Variants in ZNF385D observed in about 807,000 individuals in gnomAD.
The protein encoded by ZNF385D is zinc finger protein 659.
In ZNF385D, 15 loss-of-function variants were observed where a neutral mutation model predicts 35.8. The ratio of observed to expected loss-of-function variants is 0.42; its 90% CI spans 0.28 to 0.64. ZNF385D has a LOEUF of 0.64. Ranked by LOEUF, ZNF385D falls within the 30% of genes least tolerant of loss-of-function variation. The pLI, the probability that ZNF385D is intolerant of heterozygous loss-of-function variation, is 0.23. For synonymous variants in ZNF385D, 212 were observed against 186.8 expected, an observed-to-expected ratio of 1.13 and a Z score of -1.10; for missense variants, 474 against 494.6, an observed-to-expected ratio of 0.96 and a Z score of 0.39.
At chr3:22,112,932 T>G (rs4858380) in intron 3 of ZNF385D, among the ~76,000 whole-genome samples, 129,121 of 152,102 alleles carry the variant, frequency 0.85, 55,854 homozygotes, top group African/African-American at 0.95. Flanking sequence ...TGTTATACAT[T>G]GGTAGAAAAT....
At chr3:21,975,702 AATATATATATAT>A (rs56303677) in intron 3 of ZNF385D, among the ~76,000 whole-genome samples, 30 of 124,070 alleles carry the variant, frequency 2.4e-4, no homozygotes, top group East Asian at 2.0e-3. Context: ...GTACCCACGA[AATATATATATAT>A]ATATATATAT....
At chr3:21,961,322 T>A (rs957897657) in intron 3 of ZNF385D, 1 of 152,176 alleles carries the variant, frequency 6.6e-6, no homozygotes, top group African/African-American at 2.4e-5. Context: ...TTTTCTTTCC[T>A]GTCATCAATT....
Position 21,462,097 on chromosome 3 carries a change from G to C in ZNF385D, c.440-24894C>G, listed in dbSNP as rs574287383. Among the ~76,000 whole-genome samples the C allele has an allele frequency of 4.6e-5, 7 of 152,274 alleles. No homozygotes were observed. In the South Asian group the frequency reaches 1.2e-3, roughly 27 times the overall value. On this transcript the variant is annotated intron_variant, in intron 4 of 7. Transcript: ENST00000281523. ...GTTTGGCACATCATCATCATGTTCA[G>C]TAGCAAAACATACACAAATAATCCC...
At chr3:21,674,833 C>T (rs185620863) in intron 1 of ZNF385D, among the ~76,000 whole-genome samples, 124 of 152,084 alleles carry the variant, frequency 8.2e-4, no homozygotes, top group Admixed American at 3.1e-3. Flanking sequence ...TCCATTCATT[C>T]TTGACTTCTA....
At chr3:22,332,251 T>C (rs73039276) in intron 2 of ZNF385D, among the ~76,000 whole-genome samples, 10,555 of 152,168 alleles carry the variant, frequency 0.069, 536 homozygotes, top group African/African-American at 0.14. Flanking sequence ...GCAAATTCCA[T>C]TGCAGAACTA....
chr3:21,945,296 T>C (rs901759130), intron 3 of ZNF385D, among the ~76,000 whole-genome samples: 5 of 152,084 alleles, frequency 3.3e-5, no homozygotes, highest in Non-Finnish European at 7.4e-5. Context: ...ACTGACTTAA[T>C]AGAGTTTGTG....
chr3:22,361,348 A>G (rs935940318), intron 2 of ZNF385D, among the ~76,000 whole-genome samples: 13 of 152,080 alleles, frequency 8.5e-5, no homozygotes, highest in African/African-American at 2.7e-4. Context: ...AATTTATAGG[A>G]AGATGTCTTT....
intron 2 of ZNF385D, among the ~76,000 whole-genome samples, chr3:21,640,570 C>A (rs116426587): frequency 6.6e-6 from 1 of 151,994 alleles, no homozygotes; most frequent in South Asian, 2.1e-4. Context: ...GACAAAGATA[C>A]TAGAGAATCC....
At chr3:22,162,572 G>T (rs1706031856) in intron 3 of ZNF385D, among the ~76,000 whole-genome samples, 1 of 152,102 alleles carries the variant, frequency 6.6e-6, no homozygotes, top group African/African-American at 2.4e-5. Context: ...TAACAAGACA[G>T]CCCTACCTGC....
chr3:22,108,399 A>G (rs1003308955), intron 3 of ZNF385D, among the ~76,000 whole-genome samples: 1 of 152,096 alleles, frequency 6.6e-6, no homozygotes, highest in Non-Finnish European at 1.5e-5. Context: ...TCAAAACACA[A>G]AACTTCCTTA....
intron 2 of ZNF385D, among the ~76,000 whole-genome samples, chr3:21,649,071 A>G (rs1437108460): frequency 6.6e-6 from 1 of 152,122 alleles, no homozygotes; most frequent in Admixed American, 6.6e-5. Flanking sequence ...CTTGATACTC[A>G]ATATGTGGTC....
chr3:21,594,491 G>A (rs2064073289), intron 2 of ZNF385D, among the ~76,000 whole-genome samples: 1 of 152,100 alleles, frequency 6.6e-6, no homozygotes. Context: ...GTGGAGAATG[G>A]CTTCAGCCTG....
At chr3:21,785,093 C>T (rs1313960554) in intron 3 of ZNF385D, among the ~76,000 whole-genome samples, 1 of 152,108 alleles carries the variant, frequency 6.6e-6, no homozygotes, top group Non-Finnish European at 1.5e-5. Flanking sequence ...TGGTTCCCTG[C>T]ACTGACCGGG....
intron 2 of ZNF385D, among the ~76,000 whole-genome samples, chr3:22,187,677 A>T (rs1474711635): frequency 1.3e-5 from 2 of 152,184 alleles, no homozygotes. Flanking sequence ...TAATAGATAT[A>T]TATTTAATTA....
intron 3 of ZNF385D, among the ~76,000 whole-genome samples, chr3:22,001,319 C>CA (rs1695829539): frequency 1.2e-5 from 1 of 85,440 alleles, no homozygotes; most frequent in African/African-American, 7.0e-5. Flanking sequence ...AAATGGAAAC[C>CA]AAAAACAAGC....
At chr3:22,111,381 C>A (rs1240830971) in intron 3 of ZNF385D, among the ~76,000 whole-genome samples, 1 of 151,746 alleles carries the variant, frequency 6.6e-6, no homozygotes, top group Non-Finnish European at 1.5e-5. Context: ...GCTAGCAGAG[C>A]AGTAATCAGG....
chr3:22,093,059 G>A (rs1046875109), intron 3 of ZNF385D, among the ~76,000 whole-genome samples: 5 of 152,114 alleles, frequency 3.3e-5, no homozygotes, highest in Admixed American at 2.6e-4. Context: ...GTGGGACAAC[G>A]TAGAGTCATA....
At chr3:22,354,665 A>G (rs1184137454) in intron 2 of ZNF385D, among the ~76,000 whole-genome samples, 1 of 152,092 alleles carries the variant, frequency 6.6e-6, no homozygotes, top group Non-Finnish European at 1.5e-5. Flanking sequence ...TCTTCAAACT[A>G]GTGACTCCCA....
chr3:21,471,088 T>C (rs767901655), intron 4 of ZNF385D, among the ~76,000 whole-genome samples: 4 of 152,152 alleles, frequency 2.6e-5, no homozygotes, highest in Non-Finnish European at 5.9e-5. Context: ...TCAATTTACA[T>C]ATGAAAAGAA....
Sources: gnomAD v4.1 joint callset for allele counts (sites outside exome capture counted in the v4.1 genomes callset) on GRCh38, gnomAD v4.1.1 for gene constraint, MANE v1.5 for transcripts, NCBI Gene and HGNC (gene_info 2026-07-23, HGNC 2026-07-21) for gene names.